The following AOPEP variants were observed in gnomAD, a reference collection of about 807,000 sequenced individuals.
AOPEP encodes the protein aminopeptidase O (putative).
Under a neutral mutation model 98.1 loss-of-function variants are expected in AOPEP, and 77 were observed. That is an observed-to-expected ratio of 0.78 (90% CI 0.65 to 0.95). AOPEP has a LOEUF of 0.95. Among genes scored for constraint, AOPEP ranks in the 40% least tolerant of loss-of-function variants. The pLI, the probability that AOPEP is intolerant of heterozygous loss-of-function variation, is 0.00. For synonymous variants in AOPEP, 346 were observed against 365.3 expected, an observed-to-expected ratio of 0.95 and a Z score of 0.60; for missense variants, 1,024 against 1,024.7, an observed-to-expected ratio of 1.00 and a Z score of 0.01.
chr9:94,949,997 T>A lies in AOPEP; in HGVS notation c.1662-5180T>A, dbSNP rs556562190. Among the ~76,000 whole-genome samples, 5 of 152,304 alleles carry A rather than the reference T, an allele frequency of 3.3e-5. No homozygotes were observed. In the South Asian group the frequency reaches 8.3e-4, roughly 25 times the overall value. On this transcript the variant is annotated intron_variant, in intron 7 of 16. Transcript: ENST00000375315. ...AGGAGCAAGCTTAAAGACCAGCCCT[T>A]AAAGGGTTTGCATTCAAAATCAGCA...
intron 10 of AOPEP, among the ~76,000 whole-genome samples, chr9:94,977,128 C>A (rs1034627612): frequency 6.6e-6 from 1 of 152,132 alleles, no homozygotes; most frequent in Non-Finnish European, 1.5e-5. Flanking sequence ...CTTGAAGTTG[C>A]TTTATTTTCT....
At chr9:95,107,234 T>G in the AOPEP span, 6 of 1,613,994 alleles carry the variant, frequency 3.7e-6, no homozygotes, top group Non-Finnish European at 5.1e-6. Flanking sequence ...TTCTGGACAT[T>G]GCCAGGAGGT....
At chr9:95,149,831 G>T in the AOPEP span, 2 of 1,405,522 alleles carry the variant, frequency 1.4e-6, no homozygotes, top group Non-Finnish European at 2.0e-6. Context: ...AAAAACGTTT[G>T]GACACTGCTG....
chr9:95,085,970 C>T (rs759791467), intron 16 of AOPEP: 13 of 1,354,060 alleles, frequency 9.6e-6, no homozygotes, highest in East Asian at 4.6e-5. Context: ...ACGGTGCCCA[C>T]GGAGCTCCCA....
chr9:95,097,910 G>GACTT, the AOPEP span, among the ~76,000 whole-genome samples: 1 of 152,154 alleles, frequency 6.6e-6, no homozygotes, highest in African/African-American at 2.4e-5. Context: ...GATGATTAAT[G>GACTT]ACTTAGGATT....
At chr9:94,931,500 C>T (rs2055299593) in intron 7 of AOPEP, among the ~76,000 whole-genome samples, 1 of 152,078 alleles carries the variant, frequency 6.6e-6, no homozygotes, top group South Asian at 2.1e-4. Context: ...TAGAATTCTC[C>T]CTTAAATGGA....
intron 13 of AOPEP, among the ~76,000 whole-genome samples, chr9:95,035,491 A>G (rs1354250454): frequency 1.4e-5 from 2 of 142,888 alleles, no homozygotes; most frequent in Admixed American, 1.4e-4. Context: ...AATCTCTTTG[A>G]CACCAGCTTC....
chr9:95,030,191 C>T (rs955504521), intron 13 of AOPEP, among the ~76,000 whole-genome samples: 2 of 152,064 alleles, frequency 1.3e-5, no homozygotes, highest in African/African-American at 4.8e-5. Flanking sequence ...TCAAAATTAC[C>T]AGTAATCCAG....
chr9:94,860,430 C>T (rs1211745966), intron 5 of AOPEP, among the ~76,000 whole-genome samples: 3 of 152,020 alleles, frequency 2.0e-5, no homozygotes, highest in Non-Finnish European at 4.4e-5. Context: ...CGTGACCTGG[C>T]TTATGTTTTG....
chr9:94,851,885 A>G (rs1173050047), intron 5 of AOPEP, among the ~76,000 whole-genome samples: 1 of 151,534 alleles, frequency 6.6e-6, no homozygotes, highest in African/African-American at 2.4e-5. Context: ...TACAGCCCAG[A>G]CATTGGTGCT....
chr9:95,125,083 A>G, the AOPEP span: 3 of 1,613,448 alleles, frequency 1.9e-6, no homozygotes, highest in Non-Finnish European at 2.5e-6. Flanking sequence ...TGATATAACA[A>G]ACCTGCTTGC....
chr9:95,110,293 T>G, the AOPEP span: 1 of 1,013,330 alleles, frequency 9.9e-7, no homozygotes, highest in African/African-American at 1.7e-5. Context: ...ACCTTTTGAC[T>G]GTGATGGAAT....
Position 94,741,341 on chromosome 9 carries a change from C to T in AOPEP, c.-136+14590C>T, listed in dbSNP as rs577308765. Reference sequence around the variant, plus strand: ...AGGCTGGAGTGCAGTGGTGCGATCTCGGCTCACTGCAAGCTCCGCCTCCCA... The same window carrying T: ...AGGCTGGAGTGCAGTGGTGCGATCTTGGCTCACTGCAAGCTCCGCCTCCCA... On this transcript the variant is annotated intron_variant, in intron 1 of 16. Transcript: ENST00000375315. 9.9e-5 allele frequency among the ~76,000 whole-genome samples: 15 copies of T among 151,730 alleles called. No homozygotes were observed. The East Asian group carries it at 1.2e-3, about 12-fold the overall frequency.
intron 1 of AOPEP, among the ~76,000 whole-genome samples, chr9:94,744,150 T>C (rs1833897653): frequency 6.6e-6 from 1 of 152,102 alleles, no homozygotes; most frequent in Admixed American, 6.5e-5. Context: ...ATCCAGACTT[T>C]GGGAGGCTGA....
At chr9:95,110,875 C>A in the AOPEP span, 1 of 1,217,112 alleles carries the variant, frequency 8.2e-7, no homozygotes, top group South Asian at 2.6e-5. Context: ...TTGCCACAGA[C>A]AGTTATCCAG....
At chr9:94,801,168 C>T (rs1422849527) in intron 5 of AOPEP, among the ~76,000 whole-genome samples, 166 bp downstream of exon 5, 8 of 152,190 alleles carry the variant, frequency 5.3e-5, no homozygotes, top group Admixed American at 5.2e-4. Context: ...AATTTTAATG[C>T]AGACTCCCTC....
chr9:94,926,062 T>G (rs1776488029), intron 6 of AOPEP, among the ~76,000 whole-genome samples: 1 of 152,192 alleles, frequency 6.6e-6, no homozygotes, highest in Admixed American at 6.5e-5. Context: ...GTGCCTCCCT[T>G]CTGAGACTCT....
intron 5 of AOPEP, among the ~76,000 whole-genome samples, chr9:94,883,912 A>T (rs756522819): frequency 2.6e-5 from 4 of 152,064 alleles, no homozygotes; most frequent in South Asian, 2.1e-4. Context: ...GTATTGTGGG[A>T]CCTCCATCCC....
chr9:94,849,324 T>C (rs1036936443), intron 5 of AOPEP, among the ~76,000 whole-genome samples: 4 of 152,148 alleles, frequency 2.6e-5, no homozygotes, highest in African/African-American at 9.7e-5. Flanking sequence ...AATGAGATAA[T>C]GTATGTAAGG....
Sources: allele counts gnomAD v4.1 joint callset (sites outside exome capture counted in the v4.1 genomes callset), GRCh38; gene constraint gnomAD v4.1.1; transcripts MANE v1.5; gene names NCBI Gene and HGNC (gene_info 2026-07-23, HGNC 2026-07-21).